The following MAGEA12 variants were observed in gnomAD, a reference collection of about 807,000 sequenced individuals.
MAGEA12 encodes the protein MAGE family member A12.
For synonymous variants in MAGEA12, 135 were observed against 104.7 expected (o/e 1.29, Z -1.77); for missense variants, 235 against 240.1 (o/e 0.98, Z 0.14).
rs782602284 is a variant in MAGEA12, at chrX:152,736,233, C to T, written c.72C>T (p.Gly24=). The T allele has an allele frequency of 2.5e-6, 3 of 1,211,848 alleles. No individual in the cohort carries two copies. In the East Asian group the frequency reaches 8.9e-5, roughly 36 times the overall value. The stretch of plus-strand genomic sequence containing the variant: ...TTGAGGCCCAAGGAGAGGCCCTGGG[C>T]TTGGTGGGTGCGCAGGCTCCTGCTA... ...EGLEAQGEAL[G]LVGAQAPATE... The change falls in exon 3 of 3, where the codon GGC becomes GGT. Residue 24 remains glycine (G), a synonymous_variant. Coordinates refer to ENST00000393869, the MANE Select transcript of MAGEA12 (RefSeq NM_001166387.4).
chrX:152,737,166 A>G lies in MAGEA12; in HGVS notation c.*60A>G, dbSNP rs1169758155. ...GGGGGTCTGGGCCAGTGCACCTTCC[A>G]AGGCCCCATCCATTAGTTTCCACTG... On this transcript the variant is annotated 3_prime_UTR_variant, in exon 3 of 3. Transcript: ENST00000393869. 4.6e-6 allele frequency: 5 copies of G among 1,094,200 alleles called. No individual in the cohort carries two copies. The African/African-American group carries it at 7.3e-5, about 16-fold the overall frequency. The allele number at this position is 1,094,200 out of a possible 1,213,427, so 90.2% of individuals were successfully genotyped here.
In MAGEA12 at chrX:152,736,838, G is replaced by C. The variant is rs1421200378; in HGVS notation, c.677G>C (p.Ser226Thr). Reference protein sequence around the residue: ...APEEKIWEELSVLEASDGRED... With the variant: ...APEEKIWEELTVLEASDGRED... Reference sequence around the variant, plus strand: ...GAGGAGAAAATCTGGGAGGAGCTGAGTGTGTTGGAGGCATCTGATGGGAGG... The same window carrying C: ...GAGGAGAAAATCTGGGAGGAGCTGACTGTGTTGGAGGCATCTGATGGGAGG... Residue 226 changes from serine (S) to threonine (T), a missense_variant, in exon 3 of 3, where the codon AGT becomes ACT. Coordinates refer to ENST00000393869, the MANE Select transcript of MAGEA12 (RefSeq NM_001166387.4). The C allele has an allele frequency of 5.0e-6, 6 of 1,210,258 alleles. No homozygotes were observed. The highest frequency in any genetic ancestry group is 2.2e-5 in the Admixed American group (1 of 45,798).
At chrX:152,735,577 A>G (rs1932296323) in intron 2 of MAGEA12, among the ~76,000 whole-genome samples, 1 of 112,091 alleles carries the variant, frequency 8.9e-6, no homozygotes, top group Non-Finnish European at 1.9e-5. Flanking sequence ...CTGGTTATGT[A>G]TGGCCAGATG....
At chrX:152,735,613 C>T (rs782641670) in intron 2 of MAGEA12, among the ~76,000 whole-genome samples, 128 of 112,062 alleles carry the variant, frequency 1.1e-3, no homozygotes, top group African/African-American at 3.2e-3. Flanking sequence ...CCTTCTGTAC[C>T]GTATCAGGGA....
intron 2 of MAGEA12, among the ~76,000 whole-genome samples, chrX:152,735,870 C>A (rs1175837185): frequency 3.6e-5 from 4 of 112,311 alleles, no homozygotes; most frequent in Non-Finnish European, 7.5e-5. Context: ...GGCAGTGAGG[C>A]CTTGGTCTGA....
At chrX:152,735,510 C>A (rs1311156615) in intron 2 of MAGEA12, among the ~76,000 whole-genome samples, 1 of 112,066 alleles carries the variant, frequency 8.9e-6, no homozygotes, top group Non-Finnish European at 1.9e-5. Context: ...GCTCGTCACC[C>A]AGGACACCTG....
chrX:152,736,252 C>A lies in MAGEA12; in HGVS notation c.91C>A (p.Pro31Thr), dbSNP rs781895084. 4.1e-6 allele frequency: 5 copies of A among 1,211,578 alleles called. No individual in the cohort carries two copies. The East Asian group carries it at 1.5e-4, about 36-fold the overall frequency. ...EALGLVGAQAPATEEQETASS... is the reference protein window; with the variant it reads ...EALGLVGAQATATEEQETASS... The stretch of plus-strand genomic sequence containing the variant: ...CCTGGGCTTGGTGGGTGCGCAGGCT[C>A]CTGCTACTGAGGAGCAGGAGACTGC... Residue 31 changes from proline (P) to threonine (T), a missense_variant, in exon 3 of 3, where the codon CCT (proline) becomes ACT (threonine). Coordinates refer to ENST00000393869, the MANE Select transcript of MAGEA12 (RefSeq NM_001166387.4).
chrX:152,736,997 T>C lies in MAGEA12; in HGVS notation c.836T>C (p.Val279Ala), dbSNP rs782600997. 8.3e-7 allele frequency: 1 copy of C among 1,212,110 alleles called. No individual in the cohort carries two copies. The highest frequency in any genetic ancestry group is 1.7e-5 in the African/African-American group (1 of 57,874). The change falls in exon 3 of 3, where the codon GTT (valine) becomes GCT (alanine). Residue 279 changes from valine to alanine, a missense_variant. By Grantham distance (64) the Val-to-Ala change is moderately conservative. Transcript: ENST00000393869. ...YEFLWGPRAL[V>A]ETSYVKVLHH... is the part of the protein sequence containing the mutation. ...TTCCTGTGGGGTCCAAGGGCCCTCG[T>C]TGAAACCAGCTATGTGAAAGTCCTG...
Position 152,737,412 on chromosome X carries a change from G to A in MAGEA12, c.*306G>A, listed in dbSNP as rs782576240. 3.9e-5 allele frequency: 16 copies of A among 405,365 alleles called. No individual in the cohort carries two copies. The highest frequency in any genetic ancestry group is 7.0e-5 in the Non-Finnish European group (15 of 214,299). 33.4% of individuals were successfully genotyped at this position (405,365 alleles called of 1,213,427 possible). ...CTGTTTATATAGTTTAGGAGTAAGA[G>A]TGTTGTTTTTTATTCAGATTGGGAA... On this transcript the variant is annotated 3_prime_UTR_variant, in exon 3 of 3. Coordinates refer to ENST00000393869, the MANE Select transcript of MAGEA12 (RefSeq NM_001166387.4).
At chrX:152,734,897 C>T (rs1932271534) in intron 1 of MAGEA12, among the ~76,000 whole-genome samples, 2 of 112,443 alleles carry the variant, frequency 1.8e-5, no homozygotes, top group South Asian at 7.5e-4. Flanking sequence ...GAGATAGCTC[C>T]AATTGGCAAT....
In MAGEA12 at chrX:152,736,668, G is replaced by A. The variant is rs1347689543; in HGVS notation, c.507G>A (p.Val169=). Residue 169 remains valine (V), a synonymous_variant, in exon 3 of 3, where the codon GTG becomes GTA. Coordinates refer to ENST00000393869, the MANE Select transcript of MAGEA12 (RefSeq NM_001166387.4). ...QLVFGIEVVE[V]VRIGHLYILV... is the part of the protein sequence containing the mutation. The stretch of plus-strand genomic sequence containing the variant: ...TCTTTGGCATCGAGGTGGTGGAAGT[G>A]GTCCGCATCGGCCACTTGTACATCC... The A allele has an allele frequency of 6.6e-6, 8 of 1,210,205 alleles. No individual in the cohort carries two copies. The highest frequency in any genetic ancestry group is 7.8e-6 in the Non-Finnish European group (7 of 895,306).
chrX:152,735,668 G>C (rs1469061779), intron 2 of MAGEA12, among the ~76,000 whole-genome samples: 1 of 112,261 alleles, frequency 8.9e-6, no homozygotes, highest in Non-Finnish European at 1.9e-5. Context: ...CAAAAGGGCG[G>C]TATTAGGCCC....
Position 152,736,605 on chromosome X carries a change from T to A in MAGEA12, c.444T>A (p.Pro148=). The A allele has an allele frequency of 8.3e-7, 1 of 1,211,905 alleles. No individual in the cohort carries two copies. Among genetic ancestry groups the A allele is most frequent in the Non-Finnish European group, 1.1e-6 (1 of 895,576 alleles). ...TCAGAAATTTCCAGGACTTCTTTCC[T>A]GTGATCTTCAGCAAAGCCTCCGAGT... ...SVIRNFQDFF[P]VIFSKASEYL... The change falls in exon 3 of 3, where the codon CCT becomes CCA. Residue 148 remains proline, a synonymous_variant. Coordinates refer to ENST00000393869, the MANE Select transcript of MAGEA12 (RefSeq NM_001166387.4).
At chrX:152,734,318 G>C (rs1211688973) in intron 1 of MAGEA12, among the ~76,000 whole-genome samples, 3 of 111,382 alleles carry the variant, frequency 2.7e-5, no homozygotes, top group Admixed American at 1.9e-4. Flanking sequence ...CTCCGGGAAT[G>C]GCGGCCAAGC....
At chrX:152,734,576 G>A (rs374448302) in intron 1 of MAGEA12, among the ~76,000 whole-genome samples, 1 of 111,905 alleles carries the variant, frequency 8.9e-6, no homozygotes, top group Admixed American at 9.4e-5. Context: ...CCAGCCCTGC[G>A]AGGAGTCAAG....
In MAGEA12 at chrX:152,737,096, G is replaced by C. The variant is rs377385620; in HGVS notation, c.935G>C (p.Gly312Ala). Residue 312 changes from glycine to alanine, a missense_variant, in exon 3 of 3, where the codon GGG (glycine) becomes GCG (alanine). Coordinates refer to ENST00000393869, the MANE Select transcript of MAGEA12 (RefSeq NM_001166387.4). ...CTGCATGAATGGGCTTTTAGAGAGG[G>C]GGAAGAGTGAGTCTGAGCACGAGTT... ...PPLHEWAFREGEE is the reference protein window; with the variant it reads ...PPLHEWAFREAEE 57 of 1,209,045 alleles carry C rather than the reference G, an allele frequency of 4.7e-5. No homozygotes were observed. The Admixed American group carries it at 1.2e-3, about 25-fold the overall frequency.
Position 152,734,383 on chromosome X carries a change from G to A in MAGEA12, c.-182+524G>A, listed in dbSNP as rs782102085. ...TCAGGGAGGGAAGGGGGTCGGTATCGTGAGTACGGCCTTTGGGAAGCAGAG... is the reference window on the plus strand; with the variant it reads ...TCAGGGAGGGAAGGGGGTCGGTATCATGAGTACGGCCTTTGGGAAGCAGAG... On this transcript the variant is annotated intron_variant, in intron 1 of 2. Transcript: ENST00000393869. 6.3e-5 allele frequency among the ~76,000 whole-genome samples: 7 copies of A among 111,709 alleles called. No homozygotes were observed. The East Asian group carries it at 2.0e-3, about 32-fold the overall frequency.
chrX:152,735,496 G>C (rs1254851780), intron 2 of MAGEA12, among the ~76,000 whole-genome samples: 1 of 112,017 alleles, frequency 8.9e-6, no homozygotes, highest in East Asian at 2.8e-4. Flanking sequence ...TGAGGACCAA[G>C]CAGGCTCGTC....
In MAGEA12 at chrX:152,737,070, C is replaced by A. The variant is rs782696182; in HGVS notation, c.909C>A (p.Pro303=). The stretch of plus-strand genomic sequence containing the variant: ...GAGGACCTCACATTTCCTACCCACC[C>A]CTGCATGAATGGGCTTTTAGAGAGG... ...ISGGPHISYP[P]LHEWAFREGE... The change falls in exon 3 of 3, where the codon CCC becomes CCA. Residue 303 remains proline, a synonymous_variant. Transcript: ENST00000393869. 1.7e-6 allele frequency: 2 copies of A among 1,209,832 alleles called. No homozygotes were observed. The highest frequency in any genetic ancestry group is 2.2e-6 in the Non-Finnish European group (2 of 895,116).
Sources: allele counts gnomAD v4.1 joint callset (sites outside exome capture counted in the v4.1 genomes callset), GRCh38; gene constraint gnomAD v4.1.1; transcripts MANE v1.5; gene names NCBI Gene and HGNC (gene_info 2026-07-23, HGNC 2026-07-21).